DNM3: variants seen among roughly 807,000 people sequenced by gnomAD.
The protein encoded by DNM3 is dynamin-3.
Under a neutral mutation model 101.6 loss-of-function variants are expected in DNM3, and 47 were observed. The ratio of observed to expected loss-of-function variants is 0.46; its 90% CI spans 0.37 to 0.59. DNM3 has a LOEUF of 0.59. Ranked by LOEUF, DNM3 falls within the 20% of genes least tolerant of loss-of-function variation. DNM3 has a pLI of 0.00. For synonymous variants in DNM3, 385 were observed against 387.9 expected (o/e 0.99, Z 0.09); for missense variants, 849 against 1,085.7 (o/e 0.78, Z 3.06).
At position 172,311,113 on chromosome 1, in the gene DNM3, G is replaced by A. The variant is rs1400147833; in HGVS notation, c.1881+2274G>A. 2.6e-5 allele frequency: 4 copies of A among 152,092 alleles called. No individual in the cohort carries two copies. The East Asian group carries it at 5.8e-4, about 22-fold the overall frequency. The allele number at this position is 152,092 out of a possible 1,614,324, so 9.4% of individuals were successfully genotyped here. A position where few individuals can be genotyped will look rare whatever the true frequency, so the allele number is the denominator to read the frequency against. ...TGCAGGGAAAGCATTGAACAGGGCAGGTACAAGTAAGCACTATATTTTCAC... is the reference window on the plus strand; with the variant it reads ...TGCAGGGAAAGCATTGAACAGGGCAAGTACAAGTAAGCACTATATTTTCAC... On this transcript the variant is annotated intron_variant, in intron 16 of 20. Coordinates refer to ENST00000627582, the MANE Select transcript of DNM3 (RefSeq NM_015569.5).
intron 13 of DNM3, among the ~76,000 whole-genome samples, chr1:172,108,671 G>T (rs1329407585): frequency 2.0e-5 from 3 of 152,184 alleles, no homozygotes; most frequent in Admixed American, 1.3e-4. Flanking sequence ...CCACCCCAGG[G>T]AATTCCATCA....
At position 172,027,463 on chromosome 1, in the gene DNM3, C is replaced by T. The variant is rs149559264; in HGVS notation, c.590-4939C>T. Among the ~76,000 whole-genome samples the T allele has an allele frequency of 8.9e-3, 1,354 of 152,096 alleles. 29 individuals are homozygous for T. Among genetic ancestry groups the T allele is most frequent in the African/African-American group, 0.03 (1,259 of 41,476 alleles). ...GGGCGTGGTGGCATGCGCACATAGT[C>T]CCAGCTACTCAGGAGGCTCAGGCAG... is the stretch of plus-strand genomic sequence containing the variant. On this transcript the variant is annotated intron_variant, in intron 4 of 20. Transcript: ENST00000627582.
At chr1:172,206,329 G>T (rs775906555) in intron 14 of DNM3, among the ~76,000 whole-genome samples, 28 of 151,798 alleles carry the variant, frequency 1.8e-4, no homozygotes, top group Non-Finnish European at 3.5e-4. Flanking sequence ...AGTGTTTTTT[G>T]AAAAAAGCAC....
intron 15 of DNM3, among the ~76,000 whole-genome samples, chr1:172,258,838 G>A (rs1375219340): frequency 6.6e-6 from 1 of 151,430 alleles, no homozygotes; most frequent in African/African-American, 2.4e-5. Context: ...ATCCATCATT[G>A]TATTGTTTAT....
At chr1:172,224,769 T>C (rs2148579752) in intron 14 of DNM3, among the ~76,000 whole-genome samples, 1 of 152,314 alleles carries the variant, frequency 6.6e-6, no homozygotes, top group East Asian at 1.9e-4. Flanking sequence ...TAGAACACTT[T>C]ATTCAATCAA....
chr1:172,080,842 C>T (rs376523427), intron 11 of DNM3, among the ~76,000 whole-genome samples: 1 of 152,174 alleles, frequency 6.6e-6, no homozygotes, highest in African/African-American at 2.4e-5. Context: ...CCATTCCTCA[C>T]AGCACAGTCA....
At chr1:172,011,801 A>G (rs1038052975) in intron 4 of DNM3, among the ~76,000 whole-genome samples, 9 of 152,006 alleles carry the variant, frequency 5.9e-5, no homozygotes, top group African/African-American at 1.9e-4. Context: ...ATGTTCTCTA[A>G]TTCCTTTTTA....
intron 12 of DNM3, among the ~76,000 whole-genome samples, chr1:172,082,143 T>A (rs1440781363): frequency 6.6e-6 from 1 of 152,260 alleles, no homozygotes; most frequent in Non-Finnish European, 1.5e-5. Flanking sequence ...TCTTACATAC[T>A]TATCATCTCA....
At chr1:172,329,610 C>T (rs2066095934) in intron 17 of DNM3, among the ~76,000 whole-genome samples, 1 of 151,912 alleles carries the variant, frequency 6.6e-6, no homozygotes, top group Non-Finnish European at 1.5e-5. Flanking sequence ...AACAAGAAAG[C>T]TTAAACTACA....
At chr1:172,285,296 A>G (rs1444422045) in intron 15 of DNM3, among the ~76,000 whole-genome samples, 1 of 152,156 alleles carries the variant, frequency 6.6e-6, no homozygotes, top group Non-Finnish European at 1.5e-5. Context: ...CCTCATGGAG[A>G]CCAGGTTTTT....
chr1:172,307,041 C>G (rs2148868455), intron 15 of DNM3, among the ~76,000 whole-genome samples: 1 of 152,202 alleles, frequency 6.6e-6, no homozygotes, highest in African/African-American at 2.4e-5. Context: ...TCTAATTAAA[C>G]TAAAGAGCTT....
At chr1:172,080,287 T>G (rs946177433) in intron 11 of DNM3, among the ~76,000 whole-genome samples, 1 of 152,150 alleles carries the variant, frequency 6.6e-6, no homozygotes, top group African/African-American at 2.4e-5. Flanking sequence ...AGCCCCTGAC[T>G]GGGGCTGCTG....
chr1:172,412,765 C>G, downstream of DNM3: 1 of 980,966 alleles, frequency 1.0e-6, no homozygotes, highest in Non-Finnish European at 1.2e-6. Flanking sequence ...CTATGCCTTT[C>G]AGTAATACCT....
At chr1:171,855,745 T>G (rs2033534882) in intron 1 of DNM3, among the ~76,000 whole-genome samples, 2 of 152,234 alleles carry the variant, frequency 1.3e-5, no homozygotes, top group Admixed American at 1.3e-4. Flanking sequence ...TAAATTTGTT[T>G]AAGTTACTTA....
At chr1:172,163,954 T>TAC (rs1361403589) in intron 14 of DNM3, among the ~76,000 whole-genome samples, 1,382 of 112,180 alleles carry the variant, frequency 0.012, 7 homozygotes, top group Non-Finnish European at 0.018. Context: ...CATACATATA[T>TAC]ATACACACAC....
At chr1:172,267,580 A>G (rs1407419470) in intron 15 of DNM3, among the ~76,000 whole-genome samples, 1 of 152,156 alleles carries the variant, frequency 6.6e-6, no homozygotes. Context: ...TAGATGTTTT[A>G]TTGTAAATTG....
intron 14 of DNM3, among the ~76,000 whole-genome samples, chr1:172,190,586 G>A (rs1171510064): frequency 6.6e-6 from 1 of 152,146 alleles, no homozygotes; most frequent in Non-Finnish European, 1.5e-5. Context: ...TTGAGGAATT[G>A]CCACACTGCC....
chr1:171,857,981 C>T (rs867639769), intron 1 of DNM3, among the ~76,000 whole-genome samples: 8 of 152,124 alleles, frequency 5.3e-5, no homozygotes, highest in Non-Finnish European at 8.8e-5. Flanking sequence ...CAACCATCAT[C>T]AAGTCAGGAA....
At chr1:172,256,822 C>T (rs2062419315) in intron 15 of DNM3, among the ~76,000 whole-genome samples, 1 of 151,094 alleles carries the variant, frequency 6.6e-6, no homozygotes, top group Non-Finnish European at 1.5e-5. Flanking sequence ...GATTTCTCGC[C>T]AGGTAGTGTT....
Sources: gnomAD v4.1 joint callset for allele counts (sites outside exome capture counted in the v4.1 genomes callset) on GRCh38, gnomAD v4.1.1 for gene constraint, MANE v1.5 for transcripts, NCBI Gene and HGNC (gene_info 2026-07-23, HGNC 2026-07-21) for gene names.